Variants in CADM2 observed in about 807,000 individuals in gnomAD.
CADM2 encodes the protein immunoglobulin superfamily member 4D.
Under a neutral mutation model 49.8 loss-of-function variants are expected in CADM2, and 12 were observed. The observed-to-expected ratio is 0.24, with a 90% confidence interval of 0.15 to 0.39. The LOEUF (loss-of-function observed/expected upper bound fraction) is 0.39, where lower values mean the gene tolerates loss of function less well. CADM2 is among the 10% of genes least tolerant of loss of function. The probability of loss-of-function intolerance (pLI) is 1.00; values close to 1 mark genes in which losing one functional copy is unlikely to be tolerated. For synonymous variants in CADM2, 214 were observed against 175.4 expected, an observed-to-expected ratio of 1.22 and a Z score of -1.74; for missense variants, 378 against 492.3, an observed-to-expected ratio of 0.77 and a Z score of 2.20.
intron 1 of CADM2, among the ~76,000 whole-genome samples, chr3:84,966,321 A>G (rs1240968553): frequency 2.0e-5 from 3 of 152,076 alleles, no homozygotes; most frequent in African/African-American, 4.8e-5. Context: ...TAAGTATGTC[A>G]TTATTTTTAA....
At chr3:85,334,147 A>G (rs1308438558) in intron 1 of CADM2, among the ~76,000 whole-genome samples, 2 of 151,374 alleles carry the variant, frequency 1.3e-5, no homozygotes, top group Non-Finnish European at 1.5e-5. Flanking sequence ...ATAGCAGAAA[A>G]CCTTTTATGT....
At chr3:85,911,390 C>T (rs2108478287) in intron 5 of CADM2, among the ~76,000 whole-genome samples, 1 of 152,280 alleles carries the variant, frequency 6.6e-6, no homozygotes, top group East Asian at 1.9e-4. Context: ...CTAAATCATG[C>T]ACAGCAAGTT....
intron 1 of CADM2, among the ~76,000 whole-genome samples, chr3:85,450,650 T>C (rs1454985049): frequency 6.6e-6 from 1 of 151,986 alleles, no homozygotes; most frequent in Admixed American, 6.6e-5. Flanking sequence ...TGAAATCTTG[T>C]GATTTTCAGA....
chr3:85,737,936 G>A (rs573350424), intron 2 of CADM2, among the ~76,000 whole-genome samples: 9 of 152,210 alleles, frequency 5.9e-5, no homozygotes, highest in African/African-American at 1.9e-4. Context: ...ATTTCAAAAC[G>A]TTTCCGTGTA....
At chr3:85,361,244 G>A (rs1016762587) in intron 1 of CADM2, among the ~76,000 whole-genome samples, 1 of 152,152 alleles carries the variant, frequency 6.6e-6, no homozygotes. Flanking sequence ...AGGCAGCAGC[G>A]AGAGAGGAAC....
chr3:85,712,772 A>G (rs1353497190), intron 1 of CADM2, among the ~76,000 whole-genome samples: 1 of 152,160 alleles, frequency 6.6e-6, no homozygotes, highest in African/African-American at 2.4e-5. Flanking sequence ...GTTTATTAAC[A>G]CTATATTTGG....
chr3:85,331,504 CTATTGTCACTAAAAGTGACAA>C (rs1042243567), intron 1 of CADM2, among the ~76,000 whole-genome samples: 21 of 151,196 alleles, frequency 1.4e-4, no homozygotes, highest in African/African-American at 4.9e-4. Flanking sequence ...CTAAAAGTGA[CTATTGTCACTAAAAGTGACAA>C]TAGTCACTTT....
At chr3:85,936,115 C>G (rs766791200) in intron 7 of CADM2, among the ~76,000 whole-genome samples, 2 of 151,492 alleles carry the variant, frequency 1.3e-5, no homozygotes, top group African/African-American at 4.8e-5. Context: ...ATATTTTAAC[C>G]TGAATGGAGT....
At chr3:85,551,539 A>G (rs141854359) in intron 1 of CADM2, among the ~76,000 whole-genome samples, 2,602 of 152,256 alleles carry the variant, frequency 0.017, 31 homozygotes, top group Non-Finnish European at 0.024. Context: ...AGTTCCAAGC[A>G]TGGCATGGTT....
chr3:85,486,308 C>A (rs1559864207), intron 1 of CADM2, among the ~76,000 whole-genome samples: 15 of 151,320 alleles, frequency 9.9e-5, no homozygotes, highest in Non-Finnish European at 1.5e-4. Context: ...TTAGGGGGAA[C>A]AATAGAAATA....
At chr3:85,357,090 A>T (rs1047346248) in intron 1 of CADM2, among the ~76,000 whole-genome samples, 14 of 152,068 alleles carry the variant, frequency 9.2e-5, no homozygotes, top group African/African-American at 3.4e-4. Context: ...TTCTTGTTTT[A>T]TAAAAACTAG....
chr3:85,049,451 C>T (rs1303641337), intron 1 of CADM2, among the ~76,000 whole-genome samples: 1 of 151,620 alleles, frequency 6.6e-6, no homozygotes, highest in African/African-American at 2.4e-5. Context: ...CCCGGGTTCA[C>T]GCCATTCTCC....
At chr3:85,068,185 A>G (rs1391975431) in intron 1 of CADM2, among the ~76,000 whole-genome samples, 3 of 152,202 alleles carry the variant, frequency 2.0e-5, no homozygotes, top group Non-Finnish European at 4.4e-5. Flanking sequence ...AACAATGGAA[A>G]ACTTGGGGCA....
At chr3:85,137,298 C>A (rs956431022) in intron 1 of CADM2, among the ~76,000 whole-genome samples, 1 of 151,758 alleles carries the variant, frequency 6.6e-6, no homozygotes, top group African/African-American at 2.4e-5. Context: ...GACTTTGTGT[C>A]TTTTTACAAT....
At chr3:85,192,203 A>C (rs981599329) in intron 1 of CADM2, among the ~76,000 whole-genome samples, 2 of 152,040 alleles carry the variant, frequency 1.3e-5, no homozygotes, top group African/African-American at 4.8e-5. Flanking sequence ...GGACACACAA[A>C]ATTTAATTTT....
intron 1 of CADM2, among the ~76,000 whole-genome samples, chr3:85,617,784 T>A (rs1193680539): frequency 1.3e-5 from 2 of 152,128 alleles, no homozygotes; most frequent in Non-Finnish European, 2.9e-5. Flanking sequence ...ATTCTAAGGA[T>A]TTTAGGAGCT....
chr3:85,560,040 T>G (rs186804818), intron 1 of CADM2, among the ~76,000 whole-genome samples: 1 of 152,274 alleles, frequency 6.6e-6, no homozygotes, highest in South Asian at 2.1e-4. Context: ...TTTCAAGAAT[T>G]AATTCGCCCC....
chr3:85,738,110 C>G (rs546847911), intron 2 of CADM2, among the ~76,000 whole-genome samples: 1 of 152,234 alleles, frequency 6.6e-6, no homozygotes, highest in Admixed American at 6.5e-5. Context: ...TTGGGAAAGA[C>G]AATCAAATCT....
chr3:85,449,052 A>AAATAAAAATAAT (rs2037617990), intron 1 of CADM2, among the ~76,000 whole-genome samples: 1 of 107,406 alleles, frequency 9.3e-6, no homozygotes, highest in Admixed American at 1.1e-4. Flanking sequence ...TCCAACTCAA[A>AAATAAAAATAAT]AATAATAATA....
Sources: gnomAD v4.1 joint callset for allele counts (sites outside exome capture counted in the v4.1 genomes callset) on GRCh38, gnomAD v4.1.1 for gene constraint, MANE v1.5 for transcripts, NCBI Gene and HGNC (gene_info 2026-07-23, HGNC 2026-07-21) for gene names.